The following CDHR4 variants were observed in gnomAD, a reference collection of about 807,000 sequenced individuals.
The protein encoded by CDHR4 is cadherin-related family member 4.
Under a neutral mutation model 88.4 loss-of-function variants are expected in CDHR4, and 89 were observed. The observed-to-expected ratio is 1.01, with a 90% CI of 0.85 to 1.20. CDHR4 has a LOEUF of 1.20. Ranked by LOEUF, CDHR4 falls within the 50% of genes most tolerant of loss-of-function variation. CDHR4 has a pLI of 0.00. For missense variants in CDHR4, 914 were observed against 1,007.2 expected (o/e 0.91, Z 1.25); for synonymous variants, 368 against 399.2 (o/e 0.92, Z 0.93).
At chr3:49,798,769 T>G in intron 4 of CDHR4, 57 bp downstream of exon 4, 1 of 1,540,580 alleles carries the variant, frequency 6.5e-7, no homozygotes, top group Non-Finnish European at 8.9e-7. Flanking sequence ...GGTTAATTTA[T>G]TCTCTCCATC....
chr3:49,793,379 C>A, intron 12 of CDHR4, 68 bp from the exon 13 acceptor site: 1 of 1,515,088 alleles, frequency 6.6e-7, no homozygotes, highest in South Asian at 1.3e-5. Flanking sequence ...AGCCCCTCAA[C>A]TTCTTCTCAC....
Position 49,792,462 on chromosome 3 carries a change from C to T in CDHR4, c.2138+6G>A, listed in dbSNP as rs149003573. ...CAAGTAGGGAGCACAAGGATAGGAT[C>T]CCTACCCCTGGAGGAGCCTGCCAAG... On this transcript the variant is annotated splice_donor_region_variant and intron_variant, in intron 15 of 18. Coordinates refer to ENST00000412678, the MANE Select transcript of CDHR4 (RefSeq NM_001007540.4). 8.4e-6 allele frequency: 13 copies of T among 1,551,542 alleles called. No homozygotes were observed. Among genetic ancestry groups the T allele is most frequent in the Middle Eastern group, 1.7e-4 (1 of 5,992 alleles).
Position 49,791,947 on chromosome 3 carries a change from C to T in CDHR4, c.2151G>A (p.Leu717=), listed in dbSNP as rs1486009681. 3 of 1,551,674 alleles carry T rather than the reference C, an allele frequency of 1.9e-6. No homozygotes were observed. Among genetic ancestry groups the T allele is most frequent in the African/African-American group, 2.7e-5 (2 of 73,182 alleles). The change falls in exon 16 of 19, where the codon CTG becomes CTA. Residue 717 remains leucine, a synonymous_variant. Coordinates refer to ENST00000412678, the MANE Select transcript of CDHR4 (RefSeq NM_001007540.4). ...LGRLLQGLAQ[L]LQAPSKPAQA... is the part of the protein sequence containing the mutation. ...GGGCTGGTTTGCTGGGTGCTTGCAG[C>T]AGCTGGGCCAACCTAAAATGCCAGG... is the stretch of plus-strand genomic sequence containing the variant.
upstream of CDHR4, among the ~76,000 whole-genome samples, chr3:49,800,959 G>A (rs552350513): frequency 3.9e-5 from 6 of 151,976 alleles, no homozygotes; most frequent in African/African-American, 1.4e-4. Context: ...GGCTGAGATA[G>A]GAGGGTCACT....
chr3:49,801,617 C>G (rs2081362577), upstream of CDHR4, among the ~76,000 whole-genome samples: 1 of 152,252 alleles, frequency 6.6e-6, no homozygotes, highest in Admixed American at 6.5e-5. Context: ...TCCAAACCCA[C>G]TCTTCTCCAG....
At position 49,795,991 on chromosome 3, in the gene CDHR4, A is replaced by G. The variant is rs1361522088; in HGVS notation, c.662T>C (p.Met221Thr). ...AACAGGCAAAACCTTCACTATCACC[A>G]TCCCTTGGCAGCTTTGCCTTTGTCC... ...SFGQRQSCQG[M>T]VIVKVLPVPS... The change falls in exon 6 of 19, where the codon ATG becomes ACG. Residue 221 changes from methionine to threonine, a missense_variant. Transcript: ENST00000412678. The surrounding 1 kb of genome is among the most constrained non-coding windows in gnomAD (Gnocchi z 5.4). 2 of 1,545,738 alleles carry G rather than the reference A, an allele frequency of 1.3e-6. No homozygotes were observed. The highest frequency in any genetic ancestry group is 1.7e-4 in the Middle Eastern group (1 of 5,786).
Position 49,792,870 on chromosome 3 carries a change from C to T in CDHR4, c.1979G>A (p.Ser660Asn), listed in dbSNP as rs747315447. 15 of 1,540,314 alleles carry T rather than the reference C, an allele frequency of 9.7e-6. No homozygotes were observed. The highest frequency in any genetic ancestry group is 1.2e-5 in the Non-Finnish European group (14 of 1,138,826). ...CCTCCTCACTGTGGTTCTGTGGGTG[C>T]TGGTGGCCACTGTGCTGGCCCTCCG... ...VPRRASTVAT[S>N]THRTTVPSTM... The change falls in exon 14 of 19, where the codon AGC becomes AAC. Residue 660 changes from serine (S) to asparagine (N), a missense_variant. Ser to Asn is a conservative substitution (Grantham distance 46, BLOSUM62 1). Transcript: ENST00000412678.
Position 49,791,479 on chromosome 3 carries a change from A to T in CDHR4, c.2284-11T>A. 2 of 304,930 alleles carry T rather than the reference A, an allele frequency of 6.6e-6. No individual in the cohort carries two copies. Among genetic ancestry groups the T allele is most frequent in the Non-Finnish European group, 1.0e-5 (2 of 196,104 alleles). The allele number at this position is 304,930 out of a possible 1,614,324, so 18.9% of individuals were successfully genotyped here. A position where few individuals can be genotyped will look rare whatever the true frequency, so the allele number is the denominator to read the frequency against. On this transcript the variant is annotated splice_polypyrimidine_tract_variant and intron_variant, in intron 17 of 18. Transcript: ENST00000412678. ...TCTGCCATCAAAATGCTGCTGAGGG[A>T]AAAAAAAAAAAGATGCAATGAATTG...
In CDHR4 at chr3:49,793,897, G is replaced by C; in HGVS notation, c.1389C>G (p.Gly463=). 6.4e-7 allele frequency: 1 copy of C among 1,551,776 alleles called. No individual in the cohort carries two copies. Among genetic ancestry groups the C allele is most frequent in the Non-Finnish European group, 8.7e-7 (1 of 1,146,996 alleles). The change falls in exon 11 of 19, where the codon GGC becomes GGG. Residue 463 remains glycine (G), a synonymous_variant. Coordinates refer to ENST00000412678, the MANE Select transcript of CDHR4 (RefSeq NM_001007540.4). The part of the protein sequence containing the change: ...QEDAAPHTLL[G]SVVGTDMDYP... The stretch of plus-strand genomic sequence containing the variant: ...AATCCATATCCGTGCCCACCACGGA[G>C]CCCAGTAGAGTGTGGGGCGCCGCAT...
rs1370151654 is a variant in CDHR4 at position 49,795,715 on chromosome 3, C to G, written c.760G>C (p.Glu254Gln). ...TIPENLAPGS[E>Q]VVQVQARGVD... is the part of the protein sequence containing the mutation. ...CCCCGGGCCTGGACCTGAACCACCTCACTACCGGGGGCCAGATTCTCAGGG... is the reference window on the plus strand; with the variant it reads ...CCCCGGGCCTGGACCTGAACCACCTGACTACCGGGGGCCAGATTCTCAGGG... Residue 254 changes from glutamate to glutamine, a missense_variant, in exon 7 of 19, where the codon GAG becomes CAG. Coordinates refer to ENST00000412678, the MANE Select transcript of CDHR4 (RefSeq NM_001007540.4). This position sits in a 1 kb window ranked among gnomAD's most constrained non-coding sequence, Gnocchi z 5.4. 19 of 1,551,612 alleles carry G rather than the reference C, an allele frequency of 1.2e-5. No homozygotes were observed. Among genetic ancestry groups the G allele is most frequent in the Non-Finnish European group, 1.4e-5 (16 of 1,147,000 alleles).
intron 4 of CDHR4, among the ~76,000 whole-genome samples, chr3:49,797,811 G>C (rs2081293698): frequency 6.6e-6 from 1 of 151,270 alleles, no homozygotes; most frequent in Non-Finnish European, 1.5e-5. Context: ...CTTCACCACT[G>C]ACCCTTATCC....
intron 18 of CDHR4, 44 bp from the exon 19 acceptor site, chr3:49,790,931 C>A (rs2081168713): frequency 6.7e-7 from 1 of 1,485,482 alleles, no homozygotes. Context: ...GTGCTGCTGG[C>A]CCCAGAAGAA....
At chr3:49,790,967 G>A in intron 18 of CDHR4, 80 bp from the exon 19 acceptor site, 7 of 1,169,208 alleles carry the variant, frequency 6.0e-6, no homozygotes, top group South Asian at 4.3e-5. Context: ...TTACTTAAGG[G>A]TAGGAGATTA....
chr3:49,793,417 T>G, intron 12 of CDHR4, 106 bp from the exon 13 acceptor site: 1 of 1,464,876 alleles, frequency 6.8e-7, no homozygotes, highest in South Asian at 1.4e-5. Flanking sequence ...CATCAAGTGA[T>G]GAAGTCATCA....
intron 5 of CDHR4, 85 bp downstream of exon 5, chr3:49,796,837 C>T: frequency 9.5e-7 from 1 of 1,056,294 alleles, no homozygotes; most frequent in Middle Eastern, 2.0e-4. Flanking sequence ...TCAAGGAGGC[C>T]AAGGAGGCCA....
chr3:49,799,761 C>T lies in CDHR4; in HGVS notation c.49+3G>A. 1.2e-6 allele frequency: 2 copies of T among 1,613,864 alleles called. No individual in the cohort carries two copies. The highest frequency in any genetic ancestry group is 1.1e-5 in the South Asian group (1 of 91,070). ...ACGGTTCCCCCACCCACCACCTCCT[C>T]ACCAGAGACCACCGGAGCAAAGAGG... On this transcript the variant is annotated splice_donor_region_variant and intron_variant, in intron 1 of 18. Coordinates refer to ENST00000412678, the MANE Select transcript of CDHR4 (RefSeq NM_001007540.4).
In CDHR4 at chr3:49,795,004, C is replaced by T. The variant is rs2108281812; in HGVS notation, c.1128G>A (p.Leu376=). The T allele has an allele frequency of 6.4e-7, 1 of 1,551,660 alleles. No homozygotes were observed. Among genetic ancestry groups the T allele is most frequent in the African/African-American group, 1.4e-5 (1 of 73,142 alleles). ...CAGGGTTGGAAGAGCTGCGGAACCACAGCTTGTAGTCCAGGGTGGCACCAA... is the reference window on the plus strand; with the variant it reads ...CAGGGTTGGAAGAGCTGCGGAACCATAGCTTGTAGTCCAGGGTGGCACCAA... ...DSVGATLDYK[L]WFRSSSNPAS... Residue 376 remains leucine, a synonymous_variant, in exon 9 of 19, where the codon CTG becomes CTA. Transcript: ENST00000412678. This position sits in a 1 kb window ranked among gnomAD's most constrained non-coding sequence, Gnocchi z 5.4.
At chr3:49,797,157 T>A (rs1044308666) in intron 4 of CDHR4, 125 bp from the exon 5 acceptor site, 2 of 615,040 alleles carry the variant, frequency 3.3e-6, no homozygotes, top group African/African-American at 3.7e-5. Flanking sequence ...TTATTTTCCT[T>A]CCTTCCTTCT....
Position 49,792,511 on chromosome 3 carries a change from G to C in CDHR4, c.2095C>G (p.Leu699Val), listed in dbSNP as rs777801389. 1 of 1,551,720 alleles carries C rather than the reference G, an allele frequency of 6.4e-7. No individual in the cohort carries two copies. The highest frequency in any genetic ancestry group is 1.2e-5 in the South Asian group (1 of 84,060). ...AGAAGCCAGCCTAGGGCCAAGAGGA[G>C]AAGAGCACCAGTTGCTGTCAACACC... ...VVVLTATGAL[L>V]LLALGWLLGR... The change falls in exon 15 of 19, where the codon CTC (leucine) becomes GTC (valine). Residue 699 changes from leucine to valine, a missense_variant. Leu to Val is a conservative substitution (Grantham distance 32). Transcript: ENST00000412678.
Sources: gnomAD v4.1 joint callset for allele counts (sites outside exome capture counted in the v4.1 genomes callset) on GRCh38, gnomAD v4.1.1 for gene constraint, Gnocchi (gnomAD v3.1) non-coding constraint, MANE v1.5 for transcripts, NCBI Gene and HGNC (gene_info 2026-07-23, HGNC 2026-07-21) for gene names.